TRIM52: variants seen among roughly 807,000 people sequenced by gnomAD.
The protein encoded by TRIM52 is E3 ubiquitin-protein ligase TRIM52.
In TRIM52, 24 loss-of-function variants were observed where a neutral mutation model predicts 27.0. The ratio of observed to expected loss-of-function variants is 0.89; its 90% CI spans 0.64 to 1.25. TRIM52 has a LOEUF of 1.25. Among genes scored for constraint, TRIM52 ranks in the 50% most tolerant of loss-of-function variants. The pLI, the probability that TRIM52 is intolerant of heterozygous loss-of-function variation, is 0.00. For missense variants in TRIM52, 351 were observed against 354.7 expected, an observed-to-expected ratio of 0.99 and a Z score of 0.08; for synonymous variants, 125 against 126.5, an observed-to-expected ratio of 0.99 and a Z score of 0.08.
rs1461344348 is a variant in TRIM52 at position 181,261,092 on chromosome 5, C to A, written c.-279G>T. The A allele has an allele frequency of 5.0e-6, 2 of 398,516 alleles. No homozygotes were observed. Among genetic ancestry groups the A allele is most frequent in the African/African-American group, 2.0e-5 (1 of 49,954 alleles). 24.7% of individuals were successfully genotyped at this position (398,516 alleles called of 1,614,324 possible). Reference sequence around the variant, plus strand: ...CTCGCTACCCTCAGGGTGTGCCCTACACTGCGGCGTCCGCCTCAGATGCAG... The same window carrying A: ...CTCGCTACCCTCAGGGTGTGCCCTAAACTGCGGCGTCCGCCTCAGATGCAG... On this transcript the variant is annotated 5_prime_UTR_variant, in exon 1 of 2. Transcript: ENST00000688015.
chr5:181,253,466 C>T (rs538519991), downstream of TRIM52, among the ~76,000 whole-genome samples: 29 of 142,240 alleles, frequency 2.0e-4, 8 homozygotes, highest in African/African-American at 8.3e-4. Flanking sequence ...TGGACATGAC[C>T]ACTTTCCCTG....
In TRIM52 at chr5:181,260,737, T is replaced by G. The variant is rs1760026272; in HGVS notation, c.77A>C (p.Tyr26Ser). The change falls in exon 1 of 2, where the codon TAC becomes TCC. Residue 26 changes from tyrosine to serine, a missense_variant. Tyr to Ser is a moderately radical substitution (Grantham distance 144, BLOSUM62 -2). Coordinates refer to ENST00000688015, the MANE Select transcript of TRIM52 (RefSeq NM_001346048.2). The surrounding 1 kb of genome is among the most constrained non-coding windows in gnomAD (Gnocchi z 4.4). ...GCTGATGGACACGGGGTCCTTGAAG[T>G]AATCCAAGCAGATGGCACACACCGC... The part of the protein sequence containing the change: ...EEAVCAICLD[Y>S]FKDPVSISCG... 2 of 1,613,904 alleles carry G rather than the reference T, an allele frequency of 1.2e-6. No homozygotes were observed. Among genetic ancestry groups the G allele is most frequent in the Non-Finnish European group, 1.7e-6 (2 of 1,179,948 alleles).
downstream of TRIM52, among the ~76,000 whole-genome samples, chr5:181,249,247 T>C (rs564454455): frequency 6.6e-6 from 1 of 152,200 alleles, no homozygotes; most frequent in South Asian, 2.1e-4. Context: ...GGACCCTAAA[T>C]TTAGCTGGGG....
intron 1 of TRIM52, 33 bp downstream of exon 1, chr5:181,259,968 C>A: frequency 6.2e-7 from 1 of 1,612,672 alleles, no homozygotes; most frequent in South Asian, 1.1e-5. Context: ...TTTCCACTCC[C>A]TTCATCCCCC....
At position 181,259,999 on chromosome 5, in the gene TRIM52, A is replaced by G; in HGVS notation, c.813+2T>C. 6.2e-7 allele frequency: 1 copy of G among 1,613,340 alleles called. No homozygotes were observed. Among genetic ancestry groups the G allele is most frequent in the South Asian group, 1.1e-5 (1 of 91,026 alleles). ...CCCCCCACATTCCCTCATTTCTCTC[A>G]CCTGGTACTCCTGCACCACCTCCTC... On this transcript the variant is annotated splice_donor_variant, in intron 1 of 1. Transcript: ENST00000688015. LOFTEE classifies it high-confidence loss of function.
At chr5:181,250,080 C>G (rs537715219), downstream of TRIM52, among the ~76,000 whole-genome samples, 1 of 152,032 alleles carries the variant, frequency 6.6e-6, no homozygotes, top group Admixed American at 6.6e-5. Flanking sequence ...AAAGATTCAG[C>G]ATAAATTTTA....
rs537077983 is a variant in TRIM52 at position 181,256,745 on chromosome 5, A to C, written c.*64T>G. ...CTGTCCAGTCTTAAAGCTGCAGAGA[A>C]TCGGGCTTTGCAGAACACTCCACTG... On this transcript the variant is annotated 3_prime_UTR_variant, in exon 2 of 2. Coordinates refer to ENST00000688015, the MANE Select transcript of TRIM52 (RefSeq NM_001346048.2). The C allele has an allele frequency of 1.5e-3, 1,323 of 907,992 alleles. 4 individuals carry two copies. The highest frequency in any genetic ancestry group is 7.8e-3 in the Middle Eastern group (14 of 1,786). The allele number at this position is 907,992 out of a possible 1,614,324, so 56.2% of individuals were successfully genotyped here.
At position 181,256,386 on chromosome 5, in the gene TRIM52, T is replaced by G. The variant is rs1759777848; in HGVS notation, c.*423A>C. ...AGATGAGCCGATTTTTTTTTTTTTT[T>G]GAGATGGAGTCTTGCTCTATTGCCC... On this transcript the variant is annotated 3_prime_UTR_variant, in exon 2 of 2. Transcript: ENST00000688015. 1 of 149,522 alleles carries G rather than the reference T, an allele frequency of 6.7e-6. No individual in the cohort carries two copies. Among genetic ancestry groups the G allele is most frequent in the Admixed American group, 6.6e-5 (1 of 15,066 alleles). The allele number at this position is 149,522 out of a possible 1,614,324, so 9.3% of individuals were successfully genotyped here. A position where few individuals can be genotyped will look rare whatever the true frequency, so the allele number is the denominator to read the frequency against.
chr5:181,251,486 G>C (rs991171375), downstream of TRIM52, among the ~76,000 whole-genome samples: 42 of 152,098 alleles, frequency 2.8e-4, no homozygotes, highest in African/African-American at 8.5e-4. Flanking sequence ...CCCTCCAAAG[G>C]GCTATTTCTA....
In TRIM52 at chr5:181,260,893, T is replaced by G; in HGVS notation, c.-80A>C. On this transcript the variant is annotated 5_prime_UTR_variant, in exon 1 of 2. Transcript: ENST00000688015. This position sits in a 1 kb window ranked among gnomAD's most constrained non-coding sequence, Gnocchi z 4.4. Reference sequence around the variant, plus strand: ...CGCGCCTGCAGGCCTGCCTCCAAACTACTCTGGTGACCCGAGGCTGTCCTC... The same window carrying G: ...CGCGCCTGCAGGCCTGCCTCCAAACGACTCTGGTGACCCGAGGCTGTCCTC... 1 of 1,491,608 alleles carries G rather than the reference T, an allele frequency of 6.7e-7. No individual in the cohort carries two copies. Among genetic ancestry groups the G allele is most frequent in the African/African-American group, 1.4e-5 (1 of 71,258 alleles). The allele number at this position is 1,491,608 out of a possible 1,614,324, so 92.4% of individuals were successfully genotyped here.
intron 1 of TRIM52, chr5:181,259,495 G>C (rs1281738403): frequency 2.5e-5 from 2 of 81,614 alleles, no homozygotes; most frequent in South Asian, 1.9e-4. Context: ...ACTTTCAGAG[G>C]GGGGGTGTGG....
chr5:181,249,676 A>T (rs1341779967), downstream of TRIM52, among the ~76,000 whole-genome samples: 1 of 151,598 alleles, frequency 6.6e-6, no homozygotes, highest in East Asian at 1.9e-4. Flanking sequence ...ATCCTGTCTC[A>T]AAAAGAAAAA....
chr5:181,258,403 A>C (rs560757170), intron 1 of TRIM52: 3 of 152,278 alleles, frequency 2.0e-5, no homozygotes, highest in African/African-American at 7.2e-5. Flanking sequence ...AAAAAAAGTT[A>C]GAAGAGAAAT....
chr5:181,259,987 C>G lies in TRIM52; in HGVS notation c.813+14G>C. The G allele has an allele frequency of 6.2e-7, 1 of 1,613,300 alleles. No homozygotes were observed. The highest frequency in any genetic ancestry group is 8.5e-7 in the Non-Finnish European group (1 of 1,180,028). ...CACTCCCTTCATCCCCCCACATTCCCTCATTTCTCTCACCTGGTACTCCTG... is the reference window on the plus strand; with the variant it reads ...CACTCCCTTCATCCCCCCACATTCCGTCATTTCTCTCACCTGGTACTCCTG... On this transcript the variant is annotated intron_variant, in intron 1 of 1. Transcript: ENST00000688015.
At chr5:181,257,588 T>C in intron 1 of TRIM52, 1 of 928,436 alleles carries the variant, frequency 1.1e-6, no homozygotes. Context: ...ACAAAAATAG[T>C]TCCTTGTACT....
chr5:181,253,070 T>C (rs369803505), downstream of TRIM52, among the ~76,000 whole-genome samples: 1 of 146,556 alleles, frequency 6.8e-6, no homozygotes, highest in East Asian at 2.0e-4. Context: ...AGTTTCATTC[T>C]TGTTGCCCAG....
downstream of TRIM52, among the ~76,000 whole-genome samples, chr5:181,252,070 C>G (rs1759645397): frequency 6.6e-6 from 1 of 152,188 alleles, no homozygotes; most frequent in Non-Finnish European, 1.5e-5. Context: ...TAGTTTTCTC[C>G]TGTCTCGTCA....
chr5:181,256,136 C>T lies in TRIM52; in HGVS notation c.*673G>A, dbSNP rs1465902544. On this transcript the variant is annotated 3_prime_UTR_variant, in exon 2 of 2. Transcript: ENST00000688015. ...AATACCAGTTTTCTTCAATCTTTGC[C>T]AAAAACCCAAATTTAACACAGTTTG... 2 of 152,138 alleles carry T rather than the reference C, an allele frequency of 1.3e-5. No individual in the cohort carries two copies. The highest frequency in any genetic ancestry group is 3.8e-4 in the East Asian group (2 of 5,198). The allele number at this position is 152,138 out of a possible 1,614,324, so 9.4% of individuals were successfully genotyped here.
Position 181,260,445 on chromosome 5 carries a change from C to T in TRIM52, c.369G>A (p.Glu123=), listed in dbSNP as rs1413492396. The stretch of plus-strand genomic sequence containing the variant: ...GATCTTCCTCTTCTTCTTCTTCCTC[C>T]TCGTCCCACATATAGTCTACGTTGT... ...NWDNVDYMWD[E]EEEEEEEDQD... The change falls in exon 1 of 2, where the codon GAG becomes GAA. Residue 123 remains glutamate (E), a synonymous_variant. Coordinates refer to ENST00000688015, the MANE Select transcript of TRIM52 (RefSeq NM_001346048.2). This position sits in a 1 kb window ranked among gnomAD's most constrained non-coding sequence, Gnocchi z 4.4. 4 of 1,613,458 alleles carry T rather than the reference C, an allele frequency of 2.5e-6. No individual in the cohort carries two copies. Among genetic ancestry groups the T allele is most frequent in the Non-Finnish European group, 3.4e-6 (4 of 1,179,950 alleles).
Sources: allele counts gnomAD v4.1 joint callset (sites outside exome capture counted in the v4.1 genomes callset), GRCh38; gene constraint gnomAD v4.1.1; non-coding constraint Gnocchi (gnomAD v3.1); transcripts MANE v1.5; gene names NCBI Gene and HGNC (gene_info 2026-07-23, HGNC 2026-07-21).